FREM1: variants seen among roughly 807,000 people sequenced by gnomAD.
FREM1 encodes the protein FRAS1-related extracellular matrix protein 1.
Under a neutral mutation model 210.1 loss-of-function variants are expected in FREM1, and 220 were observed. The ratio of observed to expected loss-of-function variants is 1.05; its 90% confidence interval spans 0.94 to 1.17. The LOEUF (loss-of-function observed/expected upper bound fraction) is 1.17. Ranked by LOEUF, FREM1 falls within the 50% of genes most tolerant of loss-of-function variation. The pLI is 0.00. For missense variants in FREM1, 3,454 were observed against 2,675.5 expected (o/e 1.29, Z -6.42); for synonymous variants, 1,189 against 980.2 (o/e 1.21, Z -3.98).
chr9:14,894,842 G>A (rs541633899), intron 1 of FREM1, among the ~76,000 whole-genome samples: 1 of 152,318 alleles, frequency 6.6e-6, no homozygotes, highest in African/African-American at 2.4e-5. Context: ...ATAAGAATCT[G>A]TTTTCTTTTG....
intron 27 of FREM1, among the ~76,000 whole-genome samples, chr9:14,766,959 A>G (rs374744623): frequency 4.6e-5 from 7 of 152,346 alleles, no homozygotes; most frequent in African/African-American, 1.7e-4. Context: ...TTGTACCTAC[A>G]TGAATTAACT....
intron 10 of FREM1, among the ~76,000 whole-genome samples, chr9:14,835,482 G>T (rs545022873): frequency 1.6e-4 from 24 of 152,332 alleles, no homozygotes; most frequent in African/African-American, 5.8e-4. Flanking sequence ...AGCTCGACAT[G>T]TACAGCCAAT....
chr9:14,738,299 C>A (rs755452021), intron 36 of FREM1, among the ~76,000 whole-genome samples: 13 of 152,286 alleles, frequency 8.5e-5, no homozygotes, highest in Non-Finnish European at 1.6e-4. Flanking sequence ...AACTCCCTGC[C>A]ATAGCATGAT....
At chr9:14,878,033 C>T (rs114504957) in intron 1 of FREM1, among the ~76,000 whole-genome samples, 1 of 152,174 alleles carries the variant, frequency 6.6e-6, no homozygotes, top group Non-Finnish European at 1.5e-5. Flanking sequence ...GCAATAGCAT[C>T]CTATTTGATC....
In FREM1 at chr9:14,910,366, A is replaced by G. The variant is rs1198660540; in HGVS notation, c.-720T>C. 3.9e-5 allele frequency: 6 copies of G among 152,286 alleles called. 1 individual carries two copies. The highest frequency in any genetic ancestry group is 1.2e-4 in the African/African-American group (5 of 41,446). 9.4% of individuals were successfully genotyped at this position (152,286 alleles called of 1,614,324 possible). A position where few individuals can be genotyped will look rare whatever the true frequency, so the allele number is the denominator to read the frequency against. ...CAGGGACAAAACTGAGCTTTTGTTA[A>G]TGAGGTCGGTTGCCTCTTCCCAGTC... On this transcript the variant is annotated 5_prime_UTR_variant, in exon 1 of 37. Coordinates refer to ENST00000380880, the MANE Select transcript of FREM1 (RefSeq NM_001379081.2).
chr9:14,775,254 C>A (rs371284271), intron 25 of FREM1, among the ~76,000 whole-genome samples: 3 of 152,164 alleles, frequency 2.0e-5, no homozygotes, highest in African/African-American at 7.2e-5. Flanking sequence ...TGTCTGACTC[C>A]AAAGCGTGTG....
At chr9:14,738,397 T>C (rs76206805) in intron 36 of FREM1, among the ~76,000 whole-genome samples, 3,680 of 152,274 alleles carry the variant, frequency 0.024, 95 homozygotes, top group African/African-American at 0.066. Flanking sequence ...AGTCTGTATT[T>C]TTGGGTGGAA....
chr9:14,874,300 C>CT (rs1264632439), intron 1 of FREM1, among the ~76,000 whole-genome samples: 1 of 151,450 alleles, frequency 6.6e-6, no homozygotes, highest in Non-Finnish European at 1.5e-5. Context: ...GTGTGGGAGT[C>CT]TAAGTCTCTT....
intron 22 of FREM1, among the ~76,000 whole-genome samples, chr9:14,790,358 G>A (rs1405404232): frequency 2.6e-5 from 4 of 152,052 alleles, no homozygotes; most frequent in African/African-American, 9.7e-5. Context: ...CTTATGTTCT[G>A]CCCTCACGCT....
At chr9:14,786,141 A>G (rs151120429) in intron 23 of FREM1, among the ~76,000 whole-genome samples, 19 of 152,340 alleles carry the variant, frequency 1.2e-4, no homozygotes, top group African/African-American at 4.1e-4. Context: ...AGGTATTGTC[A>G]TATCATATGC....
rs758344694 is a variant in FREM1 at position 14,747,253 on chromosome 9, G to T, written c.6009+11C>A. The T allele has an allele frequency of 9.3e-6, 15 of 1,607,380 alleles. No homozygotes were observed. The highest frequency in any genetic ancestry group is 9.3e-6 in the Non-Finnish European group (11 of 1,176,880). On this transcript the variant is annotated intron_variant, in intron 33 of 36. Transcript: ENST00000380880. ...TATAAGGTGAGTAAGAAGGAACAAA[G>T]ATTTTCATACCTGTCTGGGGAAGTG...
chr9:14,859,909 T>C (rs1829495078), intron 3 of FREM1, among the ~76,000 whole-genome samples: 1 of 152,194 alleles, frequency 6.6e-6, no homozygotes. Context: ...TACCACTACA[T>C]AGGTGGTCAT....
chr9:14,737,924 T>C (rs966688709), intron 36 of FREM1, among the ~76,000 whole-genome samples: 3 of 152,226 alleles, frequency 2.0e-5, no homozygotes, highest in Middle Eastern at 3.2e-3. Flanking sequence ...GTAAAGCTCT[T>C]GGCATATATA....
chr9:14,872,881 G>A (rs953731534), intron 1 of FREM1, among the ~76,000 whole-genome samples: 11 of 152,012 alleles, frequency 7.2e-5, no homozygotes, highest in Non-Finnish European at 1.3e-4. Flanking sequence ...AGCATGAAGG[G>A]CTGTTGAATT....
intron 22 of FREM1, chr9:14,790,591 C>G (rs1851137262): frequency 6.6e-6 from 1 of 152,026 alleles, no homozygotes; most frequent in Admixed American, 6.5e-5. Flanking sequence ...TACTTGCACT[C>G]CAAAATGTAA....
At chr9:14,786,700 C>T (rs992411555) in intron 23 of FREM1, among the ~76,000 whole-genome samples, 1 of 152,192 alleles carries the variant, frequency 6.6e-6, no homozygotes, top group East Asian at 1.9e-4. Flanking sequence ...GATTGGAAAA[C>T]GCTATTTCAG....
chr9:14,880,473 A>G (rs554696740), intron 1 of FREM1, among the ~76,000 whole-genome samples: 1 of 152,094 alleles, frequency 6.6e-6, no homozygotes, highest in Admixed American at 6.5e-5. Context: ...GCCTGGTGGC[A>G]TGCATCTGTA....
At chr9:14,750,014 A>C (rs1486023534) in intron 30 of FREM1, 113 bp downstream of exon 30, 4 of 1,136,656 alleles carry the variant, frequency 3.5e-6, no homozygotes, top group Non-Finnish European at 5.2e-6. Flanking sequence ...TGCTTTCTTG[A>C]CAAGAAATTA....
At chr9:14,867,004 TA>T (rs112449531) in intron 2 of FREM1, among the ~76,000 whole-genome samples, 12,108 of 151,930 alleles carry the variant, frequency 0.08, 1,444 homozygotes, top group African/African-American at 0.26. Flanking sequence ...GGCTTACAGG[TA>T]TGTGCCACTA....
Sources: allele counts gnomAD v4.1 joint callset (sites outside exome capture counted in the v4.1 genomes callset), GRCh38; gene constraint gnomAD v4.1.1; transcripts MANE v1.5; gene names NCBI Gene and HGNC (gene_info 2026-07-23, HGNC 2026-07-21).